The following LRP1 variants were observed in gnomAD, a reference collection of about 807,000 sequenced individuals.
The protein encoded by LRP1 is prolow-density lipoprotein receptor-related protein 1.
A neutral mutation model predicts 541.5 loss-of-function variants in LRP1; 51 were observed. That is an observed-to-expected ratio of 0.09 (90% CI 0.08 to 0.12). The LOEUF (loss-of-function observed/expected upper bound fraction) is 0.12, where lower values mean the gene tolerates loss of function less well. Ranked by LOEUF, LRP1 falls within the 10% of genes least tolerant of loss-of-function variation. The pLI is 1.00. For missense variants in LRP1, 3,878 were observed against 6,376.2 expected (o/e 0.61, Z 13.34); for synonymous variants, 2,219 against 2,470.8 (o/e 0.90, Z 3.02).
chr12:57,185,380 G>A lies in LRP1; in HGVS notation c.6464-151G>A. On this transcript the variant is annotated intron_variant, in intron 40 of 88. Coordinates refer to ENST00000243077, the MANE Select transcript of LRP1 (RefSeq NM_002332.3). This position sits in a 1 kb window ranked among gnomAD's most constrained non-coding sequence, Gnocchi z 4.9. Reference sequence around the variant, plus strand: ...GGAAAGGCTGAGGTGCTCTGGGACAGATCTTGGCATTGGACTCTGGGCCCT... The same window carrying A: ...GGAAAGGCTGAGGTGCTCTGGGACAAATCTTGGCATTGGACTCTGGGCCCT... The A allele has an allele frequency of 7.6e-7, 1 of 1,317,922 alleles. No homozygotes were observed. Among genetic ancestry groups the A allele is most frequent in the Non-Finnish European group, 1.0e-6 (1 of 976,710 alleles). 81.6% of individuals were successfully genotyped at this position (1,317,922 alleles called of 1,614,324 possible). A position where few individuals can be genotyped will look rare whatever the true frequency, so the allele number is the denominator to read the frequency against.
chr12:57,172,801 G>T (rs920468999), intron 20 of LRP1, among the ~76,000 whole-genome samples: 1 of 152,158 alleles, frequency 6.6e-6, no homozygotes, highest in Non-Finnish European at 1.5e-5. Context: ...GTTCAGTGCT[G>T]GCCCCAGGAC....
Position 57,136,423 on chromosome 12 carries a change from C to T in LRP1, c.68-2036C>T, listed in dbSNP as rs1435042361. Among the ~76,000 whole-genome samples, 13 of 125,332 alleles carry T rather than the reference C, an allele frequency of 1.0e-4. 1 individual carries two copies. The Admixed American group carries it at 1.1e-3, about 10-fold the overall frequency. The allele number at this position is 125,332 out of a possible 152,430, so 82.2% of individuals were successfully genotyped here. ...CCCCCCCCCCGCCATTTTCCTTATA[C>T]TTCTGTCTCTGCCCTGCATTTGCAT... is the stretch of plus-strand genomic sequence containing the variant. On this transcript the variant is annotated intron_variant, in intron 1 of 88. Transcript: ENST00000243077.
In LRP1 at chr12:57,205,530, C is replaced by T. The variant is rs2036757356; in HGVS notation, c.11471-28C>T. ...CAGGGGTGGACACCCCAACTGTGGACTCTCATGACCCTCCCTGTAACCCTT... is the reference window on the plus strand; with the variant it reads ...CAGGGGTGGACACCCCAACTGTGGATTCTCATGACCCTCCCTGTAACCCTT... On this transcript the variant is annotated intron_variant, in intron 74 of 88. Transcript: ENST00000243077. The surrounding 1 kb of genome is among the most constrained non-coding windows in gnomAD (Gnocchi z 4.6). 6.2e-7 allele frequency: 1 copy of T among 1,613,426 alleles called. No homozygotes were observed. Among genetic ancestry groups the T allele is most frequent in the Non-Finnish European group, 8.5e-7 (1 of 1,179,688 alleles).
Position 57,196,121 on chromosome 12 carries a change from C to T in LRP1, c.8736C>T (p.Cys2912=), listed in dbSNP as rs1198298468. 3 of 1,607,952 alleles carry T rather than the reference C, an allele frequency of 1.9e-6. No individual in the cohort carries two copies. In the African/African-American group the frequency reaches 4.0e-5, roughly 21 times the overall value. ...HKCNASSQFL[C]SSGRCVAEAL... ...GCAATGCCTCGTCACAGTTCCTGTG[C>T]AGCAGTGGGCGCTGTGTGGCTGAGG... Residue 2912 remains cysteine, a synonymous_variant, in exon 55 of 89, where the codon TGC becomes TGT. Coordinates refer to ENST00000243077, the MANE Select transcript of LRP1 (RefSeq NM_002332.3).
At chr12:57,180,306 C>T (rs766563959) in intron 31 of LRP1, 24 bp from the exon 32 acceptor site, 12 of 1,612,640 alleles carry the variant, frequency 7.4e-6, no homozygotes, top group African/African-American at 5.3e-5. Context: ...CCAGACTCCC[C>T]GGCAGTGACT....
chr12:57,164,798 A>G (rs2035806291), intron 15 of LRP1: 2 of 152,194 alleles, frequency 1.3e-5, no homozygotes, highest in Admixed American at 6.5e-5. Flanking sequence ...GGGTCAGTGC[A>G]GCCATAGTGT....
intron 6 of LRP1, among the ~76,000 whole-genome samples, chr12:57,147,120 C>T (rs2136665636): frequency 6.6e-6 from 1 of 152,042 alleles, no homozygotes; most frequent in African/African-American, 2.4e-5. Context: ...ACTCACTGGG[C>T]CTCTCAGGGG....
At chr12:57,180,203 C>A in intron 31 of LRP1, 62 bp downstream of exon 31, 1 of 1,576,600 alleles carries the variant, frequency 6.3e-7, no homozygotes, top group Non-Finnish European at 8.7e-7. Context: ...CAGGTGCTTG[C>A]AGGGTCCTTC....
chr12:57,176,712 C>G (rs1387164823), intron 24 of LRP1, among the ~76,000 whole-genome samples: 2 of 152,210 alleles, frequency 1.3e-5, no homozygotes, highest in African/African-American at 4.8e-5. Flanking sequence ...GATATCCACA[C>G]TGTGCAACAG....
In LRP1 at chr12:57,201,230, T is replaced by C; in HGVS notation, c.10345+77T>C. ...GGGCAGGCAGAATCTCCCCACAGCT[T>C]TGAGAGGCTCTCAAATAACTTTAGT... On this transcript the variant is annotated intron_variant, in intron 65 of 88. Coordinates refer to ENST00000243077, the MANE Select transcript of LRP1 (RefSeq NM_002332.3). The surrounding 1 kb of genome is among the most constrained non-coding windows in gnomAD (Gnocchi z 6.4). 1.3e-6 allele frequency: 2 copies of C among 1,591,372 alleles called. No homozygotes were observed. The highest frequency in any genetic ancestry group is 1.7e-5 in the Admixed American group (1 of 58,760).
chr12:57,180,555 G>A, intron 32 of LRP1, 76 bp downstream of exon 32: 1 of 1,607,438 alleles, frequency 6.2e-7, no homozygotes, highest in African/African-American at 1.3e-5. Flanking sequence ...GGGCTGGCTT[G>A]GGGCAGTCTC....
At position 57,210,116 on chromosome 12, in the gene LRP1, G is replaced by A. The variant is rs766010228; in HGVS notation, c.12527G>A (p.Arg4176Gln). The A allele has an allele frequency of 1.6e-5, 26 of 1,613,274 alleles. No homozygotes were observed. The highest frequency in any genetic ancestry group is 4.0e-5 in the African/African-American group (3 of 74,894). The change falls in exon 81 of 89, where the codon CGG becomes CAG. Residue 4176 changes from arginine to glutamine, a missense_variant. This residue lies in a region of LRP1 where 871 missense variants were observed against 1,212.4 expected (regional missense o/e 0.72). Transcript: ENST00000243077. ...GTCTGCACCTGTCCCAATGGGAAGC[G>A]GCTGGACAACGGCACATGCGTGCCT... ...GPVCTCPNGKRLDNGTCVPVP... is the reference protein window; with the variant it reads ...GPVCTCPNGKQLDNGTCVPVP...
chr12:57,167,322 C>T, intron 18 of LRP1, 122 bp from the exon 19 acceptor site: 5 of 765,906 alleles, frequency 6.5e-6, no homozygotes, highest in Non-Finnish European at 9.2e-6. Flanking sequence ...CGGGGCCTTC[C>T]CCACCCTTCC....
Position 57,201,390 on chromosome 12 carries a change from G to T in LRP1, c.10346-107G>T. 1 of 1,498,978 alleles carries T rather than the reference G, an allele frequency of 6.7e-7. No homozygotes were observed. The highest frequency in any genetic ancestry group is 9.0e-7 in the Non-Finnish European group (1 of 1,112,240). The allele number at this position is 1,498,978 out of a possible 1,614,324, so 92.9% of individuals were successfully genotyped here. On this transcript the variant is annotated intron_variant, in intron 65 of 88. Transcript: ENST00000243077. This position sits in a 1 kb window ranked among gnomAD's most constrained non-coding sequence, Gnocchi z 6.4. ...ATAAACTGTTCCTTCCTCCGAAGAA[G>T]TTGCTGGCAGGACCAAGGCCAGGGC... is the stretch of plus-strand genomic sequence containing the variant.
Position 57,179,118 on chromosome 12 carries a change from T to A in LRP1, c.4738+97T>A, listed in dbSNP as rs1374559157. On this transcript the variant is annotated intron_variant, in intron 28 of 88. Transcript: ENST00000243077. This position sits in a 1 kb window ranked among gnomAD's most constrained non-coding sequence, Gnocchi z 6.8. ...GTTGTCAGCTAAGGCAGAGTCCCAG[T>A]CGGGAGGGTCCCGATAGGAGAGGCT... 1.3e-6 allele frequency: 2 copies of A among 1,500,586 alleles called. No individual in the cohort carries two copies. Among genetic ancestry groups the A allele is most frequent in the African/African-American group, 1.4e-5 (1 of 71,612 alleles). 93.0% of individuals were successfully genotyped at this position (1,500,586 alleles called of 1,614,324 possible).
Position 57,178,325 on chromosome 12 carries a change from C to A in LRP1, c.4362-34C>A. The A allele has an allele frequency of 6.3e-7, 1 of 1,593,740 alleles. No individual in the cohort carries two copies. Among genetic ancestry groups the A allele is most frequent in the Non-Finnish European group, 8.6e-7 (1 of 1,167,684 alleles). On this transcript the variant is annotated intron_variant, in intron 26 of 88. Coordinates refer to ENST00000243077, the MANE Select transcript of LRP1 (RefSeq NM_002332.3). The surrounding 1 kb of genome is among the most constrained non-coding windows in gnomAD (Gnocchi z 5.8). Reference sequence around the variant, plus strand: ...AGAGCTCTGAGGGCTGAGATCCCAGCTGGCATCCTCATTCTGCTCCATCAT... The same window carrying A: ...AGAGCTCTGAGGGCTGAGATCCCAGATGGCATCCTCATTCTGCTCCATCAT...
Position 57,128,693 on chromosome 12 carries a change from G to A in LRP1, c.-272G>A. 2.4e-6 allele frequency: 1 copy of A among 413,314 alleles called. No homozygotes were observed. Among genetic ancestry groups the A allele is most frequent in the Non-Finnish European group, 4.3e-6 (1 of 232,940 alleles). 25.6% of individuals were successfully genotyped at this position (413,314 alleles called of 1,614,324 possible). ...GGGCTGTGAGCTTCGCCCGGGGAGG[G>A]GGAAAGAGCAGCGAGGAGTGAAGCG... On this transcript the variant is annotated 5_prime_UTR_variant, in exon 1 of 89. Coordinates refer to ENST00000243077, the MANE Select transcript of LRP1 (RefSeq NM_002332.3).
intron 3 of LRP1, among the ~76,000 whole-genome samples, chr12:57,142,818 G>A (rs1324638737): frequency 6.6e-6 from 1 of 152,168 alleles, no homozygotes; most frequent in Non-Finnish European, 1.5e-5. Context: ...GGGTGGAAGT[G>A]GGGAGGAGAA....
chr12:57,173,687 G>A lies in LRP1; in HGVS notation c.3347-93G>A. 7.3e-7 allele frequency: 1 copy of A among 1,364,596 alleles called. No individual in the cohort carries two copies. The highest frequency in any genetic ancestry group is 2.3e-5 in the East Asian group (1 of 43,536). The allele number at this position is 1,364,596 out of a possible 1,614,324, so 84.5% of individuals were successfully genotyped here. On this transcript the variant is annotated intron_variant, in intron 21 of 88. Transcript: ENST00000243077. The surrounding 1 kb of genome is among the most constrained non-coding windows in gnomAD (Gnocchi z 4.7). ...GTGGACCCCACAGCGTTGCAATCCTGACCCTATTAGAGAAGCCCACAGGGT... is the reference window on the plus strand; with the variant it reads ...GTGGACCCCACAGCGTTGCAATCCTAACCCTATTAGAGAAGCCCACAGGGT...
Sources: allele counts gnomAD v4.1 joint callset (sites outside exome capture counted in the v4.1 genomes callset), GRCh38; gene constraint gnomAD v4.1.1; regional missense constraint gnomAD v4.1.1; non-coding constraint Gnocchi (gnomAD v3.1); transcripts MANE v1.5; gene names NCBI Gene and HGNC (gene_info 2026-07-23, HGNC 2026-07-21).